UBR3: variants seen among roughly 807,000 people sequenced by gnomAD.
UBR3 encodes E3 ubiquitin-protein ligase UBR3.
Under a neutral mutation model 243.2 loss-of-function variants are expected in UBR3, and 85 were observed. The ratio of observed to expected loss-of-function variants is 0.35; its 90% CI spans 0.29 to 0.42. The LOEUF is 0.42. Among genes scored for constraint, UBR3 ranks in the 10% least tolerant of loss-of-function variants. The pLI is 1.00. For missense variants in UBR3, 1,686 were observed against 2,300.8 expected (o/e 0.73, Z 5.47); for synonymous variants, 748 against 799.8 (o/e 0.94, Z 1.09).
Position 169,840,480 on chromosome 2 carries a change from C to T in UBR3, c.545+12428C>T, listed in dbSNP as rs1292810009. 3.9e-5 allele frequency among the ~76,000 whole-genome samples: 6 copies of T among 152,210 alleles called. No homozygotes were observed. The South Asian group carries it at 6.2e-4, about 16-fold the overall frequency. The stretch of plus-strand genomic sequence containing the variant: ...GTGCAGTCCACACTGTACCTCTCAC[C>T]GGTTGGAATCAGGTACCCGTGGTTC... On this transcript the variant is annotated intron_variant, in intron 1 of 38. Coordinates refer to ENST00000272793, the MANE Select transcript of UBR3 (RefSeq NM_172070.4).
At chr2:170,074,946 G>T (rs2091773259) in intron 36 of UBR3, among the ~76,000 whole-genome samples, 1 of 152,098 alleles carries the variant, frequency 6.6e-6, no homozygotes, top group African/African-American at 2.4e-5. Flanking sequence ...TAAGTTGTGG[G>T]GTGGTGTCTT....
intron 28 of UBR3, among the ~76,000 whole-genome samples, chr2:170,007,619 G>A (rs1044806530): frequency 6.6e-6 from 1 of 151,944 alleles, no homozygotes; most frequent in Non-Finnish European, 1.5e-5. Flanking sequence ...TTAGCCAGGC[G>A]TGGTGGCGCT....
intron 5 of UBR3, among the ~76,000 whole-genome samples, chr2:169,886,082 G>A (rs1311908029): frequency 6.6e-6 from 1 of 151,652 alleles, no homozygotes; most frequent in African/African-American, 2.4e-5. Flanking sequence ...GCTTGAACCC[G>A]GGAGGTGGAG....
chr2:169,947,090 T>C (rs983136021), intron 21 of UBR3, among the ~76,000 whole-genome samples: 2 of 152,124 alleles, frequency 1.3e-5, no homozygotes, highest in African/African-American at 4.8e-5. Context: ...CACTTTGTAG[T>C]TCTTTGTAGT....
At chr2:169,983,721 G>C (rs2088866317) in intron 24 of UBR3, among the ~76,000 whole-genome samples, 1 of 152,212 alleles carries the variant, frequency 6.6e-6, no homozygotes. Flanking sequence ...ATTTGGCTAA[G>C]TGTAATAGCA....
intron 5 of UBR3, among the ~76,000 whole-genome samples, chr2:169,880,526 C>T (rs150272774): frequency 1.3e-3 from 201 of 152,174 alleles, no homozygotes; most frequent in Middle Eastern, 6.8e-3. Flanking sequence ...TTGAATTTCC[C>T]GTGGAGACTT....
intron 22 of UBR3, 88 bp from the exon 23 acceptor site, chr2:169,949,517 C>A: frequency 8.4e-7 from 1 of 1,192,280 alleles, no homozygotes; most frequent in Non-Finnish European, 1.1e-6. Context: ...CTGAGCATTC[C>A]CTTTAGAAAA....
At chr2:170,002,059 A>AT (rs1304519621) in intron 27 of UBR3, among the ~76,000 whole-genome samples, 1 of 151,952 alleles carries the variant, frequency 6.6e-6, no homozygotes, top group Admixed American at 6.6e-5. Flanking sequence ...TGATTCTCAC[A>AT]TAAGTTCTCT....
intron 8 of UBR3, among the ~76,000 whole-genome samples, chr2:169,901,004 A>T (rs73011790): frequency 0.043 from 6,566 of 152,214 alleles, 159 homozygotes; most frequent in Middle Eastern, 0.068. Context: ...TGTAAACTAC[A>T]TGTTGAGGAA....
rs2090204485 is a variant in UBR3 at position 170,015,356 on chromosome 2, G to A, written c.4443G>A (p.Arg1481=). 1.9e-6 allele frequency: 3 copies of A among 1,611,336 alleles called. No homozygotes were observed. Among genetic ancestry groups the A allele is most frequent in the African/African-American group, 2.7e-5 (2 of 74,764 alleles). ...CSGGASTAGK[R]SCLNQLFHVL... ...GTGGTGCAAGCACAGCTGGCAAAAGGTCTTGTTTAAGTAAGTACTAAATAC... is the reference window on the plus strand; with the variant it reads ...GTGGTGCAAGCACAGCTGGCAAAAGATCTTGTTTAAGTAAGTACTAAATAC... Residue 1481 remains arginine (R), a synonymous_variant, in exon 30 of 39, where the codon AGG becomes AGA. Transcript: ENST00000272793.
chr2:169,981,531 A>G (rs921506745), intron 24 of UBR3, among the ~76,000 whole-genome samples: 1 of 152,224 alleles, frequency 6.6e-6, no homozygotes, highest in Admixed American at 6.5e-5. Context: ...GGAAACAAGG[A>G]AAGTCTGAGA....
chr2:169,917,563 C>G (rs1475932688), intron 11 of UBR3, among the ~76,000 whole-genome samples: 2 of 152,098 alleles, frequency 1.3e-5, no homozygotes, highest in Non-Finnish European at 2.9e-5. Flanking sequence ...AGCAGCTGAA[C>G]TCTAGGAAAT....
At position 170,049,280 on chromosome 2, in the gene UBR3, G is replaced by A. The variant is rs560701422; in HGVS notation, c.4661-6180G>A. Among the ~76,000 whole-genome samples, 7 of 152,284 alleles carry A rather than the reference G, an allele frequency of 4.6e-5. No homozygotes were observed. In the South Asian group the frequency reaches 1.5e-3, roughly 32 times the overall value. On this transcript the variant is annotated intron_variant, in intron 32 of 38. Transcript: ENST00000272793. ...AAACATTATTAAGAAAATTATAAGAGAGAAAATATATTTACTATTCATTAA... is the reference window on the plus strand; with the variant it reads ...AAACATTATTAAGAAAATTATAAGAAAGAAAATATATTTACTATTCATTAA...
At chr2:170,065,420 C>G (rs4667614) in intron 35 of UBR3, among the ~76,000 whole-genome samples, 148,675 of 152,180 alleles carry the variant, frequency 0.98, 72,713 homozygotes, top group East Asian at 1. Flanking sequence ...CCAAGTAGCT[C>G]GGATTACAGG....
chr2:169,985,459 GA>G (rs1187514022), intron 24 of UBR3, among the ~76,000 whole-genome samples: 1 of 151,930 alleles, frequency 6.6e-6, no homozygotes, highest in Admixed American at 6.6e-5. Flanking sequence ...TCAAACTCCT[GA>G]CCTCAGGTGA....
Position 169,878,590 on chromosome 2 carries a change from C to T in UBR3, c.1038+16C>T, listed in dbSNP as rs1274223811. 7.8e-6 allele frequency: 12 copies of T among 1,546,114 alleles called. No homozygotes were observed. The highest frequency in any genetic ancestry group is 1.4e-5 in the African/African-American group (1 of 72,860). On this transcript the variant is annotated intron_variant, in intron 5 of 38. Coordinates refer to ENST00000272793, the MANE Select transcript of UBR3 (RefSeq NM_172070.4). Reference sequence around the variant, plus strand: ...TTCAGATGAGGTGAGATTTAAAGTTCAAAACTTTTTAAAAAGTACAATTTT... The same window carrying T: ...TTCAGATGAGGTGAGATTTAAAGTTTAAAACTTTTTAAAAAGTACAATTTT...
chr2:169,897,643 G>A (rs2084644048), intron 8 of UBR3, among the ~76,000 whole-genome samples: 1 of 152,122 alleles, frequency 6.6e-6, no homozygotes, highest in African/African-American at 2.4e-5. Flanking sequence ...TGGGATAACA[G>A]GTGTACATCA....
chr2:169,930,408 A>G (rs2105349071), intron 18 of UBR3, among the ~76,000 whole-genome samples: 1 of 150,970 alleles, frequency 6.6e-6, no homozygotes, highest in East Asian at 1.9e-4. Context: ...TTTTTTGGAG[A>G]CAGAGCCTCA....
At position 169,926,763 on chromosome 2, in the gene UBR3, A is replaced by G; in HGVS notation, c.2204+19A>G. 6.5e-7 allele frequency: 1 copy of G among 1,548,546 alleles called. No homozygotes were observed. Among genetic ancestry groups the G allele is most frequent in the Non-Finnish European group, 8.7e-7 (1 of 1,145,530 alleles). ...TTGAAAGGTAGGCATAATTTTATTAAGACAGGTATTAGGAAGTGTCCAGTT... is the reference window on the plus strand; with the variant it reads ...TTGAAAGGTAGGCATAATTTTATTAGGACAGGTATTAGGAAGTGTCCAGTT... On this transcript the variant is annotated intron_variant, in intron 15 of 38. Coordinates refer to ENST00000272793, the MANE Select transcript of UBR3 (RefSeq NM_172070.4).
Sources: allele counts gnomAD v4.1 joint callset (sites outside exome capture counted in the v4.1 genomes callset), GRCh38; gene constraint gnomAD v4.1.1; transcripts MANE v1.5; gene names NCBI Gene and HGNC (gene_info 2026-07-23, HGNC 2026-07-21).